The following CDH18 variants were observed in gnomAD, a reference collection of about 807,000 sequenced individuals.
The protein encoded by CDH18 is cadherin-18.
CDH18 carries 31 observed loss-of-function variants against 67.9 expected under a neutral mutation model. The observed-to-expected ratio is 0.46, with a 90% CI of 0.34 to 0.62. The LOEUF (loss-of-function observed/expected upper bound fraction) is 0.62, where lower values mean the gene tolerates loss of function less well. CDH18 is among the 20% of genes least tolerant of loss of function. CDH18 has a pLI of 0.01. For synonymous variants in CDH18, 362 were observed against 347.2 expected (o/e 1.04, Z -0.48); for missense variants, 890 against 975.5 (o/e 0.91, Z 1.17).
chr5:20,405,196 G>T (rs532693717), intron 1 of CDH18, among the ~76,000 whole-genome samples: 15 of 152,182 alleles, frequency 9.9e-5, no homozygotes, highest in African/African-American at 3.6e-4. Context: ...ATACTACAAG[G>T]CTACAGTAAC....
intron 5 of CDH18, among the ~76,000 whole-genome samples, chr5:19,627,879 G>A (rs1475318931): frequency 6.6e-6 from 1 of 152,164 alleles, no homozygotes; most frequent in Non-Finnish European, 1.5e-5. Flanking sequence ...AAGAACCAGT[G>A]ATGATATCAG....
chr5:19,534,846 C>T (rs892283338), intron 9 of CDH18, among the ~76,000 whole-genome samples: 10 of 152,074 alleles, frequency 6.6e-5, no homozygotes, highest in African/African-American at 2.2e-4. Flanking sequence ...TGGTTGCCTT[C>T]AGGTCACTCA....
intron 2 of CDH18, among the ~76,000 whole-genome samples, chr5:20,250,234 A>G (rs767779513): frequency 1.2e-4 from 18 of 151,668 alleles, no homozygotes; most frequent in Non-Finnish European, 1.9e-4. Context: ...TTTTTGTTCT[A>G]TTTCCTTTAA....
intron 1 of CDH18, among the ~76,000 whole-genome samples, chr5:19,983,726 T>C (rs1036971187): frequency 3.9e-5 from 6 of 152,154 alleles, no homozygotes; most frequent in Non-Finnish European, 1.5e-5. Context: ...ATTTCCTCTC[T>C]ACCTGCTAAT....
At chr5:19,506,624 T>C (rs1440726034) in intron 10 of CDH18, among the ~76,000 whole-genome samples, 2 of 152,204 alleles carry the variant, frequency 1.3e-5, no homozygotes, top group African/African-American at 4.8e-5. Context: ...ATCTGATCTT[T>C]AACAAGCCTG....
chr5:20,434,815 C>A (rs1749046215), intron 1 of CDH18, among the ~76,000 whole-genome samples: 1 of 151,862 alleles, frequency 6.6e-6, no homozygotes, highest in Admixed American at 6.6e-5. Flanking sequence ...AGAGACGCCA[C>A]AAGCATTCAG....
intron 2 of CDH18, among the ~76,000 whole-genome samples, chr5:19,870,932 G>C (rs1428543720): frequency 6.6e-6 from 1 of 152,062 alleles, no homozygotes; most frequent in Non-Finnish European, 1.5e-5. Context: ...ATACATTTTA[G>C]ATTTTCCATT....
chr5:20,246,252 CCT>C (rs1743369193), intron 2 of CDH18, among the ~76,000 whole-genome samples: 1 of 152,020 alleles, frequency 6.6e-6, no homozygotes. Flanking sequence ...TTATAAAAAT[CCT>C]CTCTCAGTTG....
chr5:19,620,479 T>C (rs1396204873), intron 5 of CDH18, among the ~76,000 whole-genome samples: 1 of 152,040 alleles, frequency 6.6e-6, no homozygotes, highest in Non-Finnish European at 1.5e-5. Context: ...CCTTGTAACT[T>C]GCAGAGTTTA....
intron 2 of CDH18, among the ~76,000 whole-genome samples, chr5:19,842,183 A>C (rs1782395585): frequency 6.6e-6 from 1 of 152,214 alleles, no homozygotes; most frequent in South Asian, 2.1e-4. Flanking sequence ...TTCATGGAAC[A>C]TTCCAATATG....
intron 2 of CDH18, among the ~76,000 whole-genome samples, chr5:20,131,626 C>T (rs1749273011): frequency 6.6e-6 from 1 of 152,154 alleles, no homozygotes. Context: ...AAAGTATACA[C>T]ATATGTATAT....
In CDH18 at chr5:20,395,227, T is replaced by C. The variant is rs572013109; in HGVS notation, c.-579-139722A>G. 9.8e-5 allele frequency among the ~76,000 whole-genome samples: 15 copies of C among 152,310 alleles called. No homozygotes were observed. The South Asian group carries it at 1.4e-3, about 15-fold the overall frequency. ...AACTGATGAGTGGATAAAGAAAATATGGCACATATACACCACTGAATACTA... is the reference window on the plus strand; with the variant it reads ...AACTGATGAGTGGATAAAGAAAATACGGCACATATACACCACTGAATACTA... On this transcript the variant is annotated intron_variant, in intron 1 of 14. Coordinates refer to the CDH18 transcript ENST00000507958.
At chr5:19,512,733 T>G (rs1403303454) in intron 10 of CDH18, among the ~76,000 whole-genome samples, 2 of 152,174 alleles carry the variant, frequency 1.3e-5, no homozygotes, top group African/African-American at 4.8e-5. Flanking sequence ...TGCTTTGGAT[T>G]CTCCTGATTA....
chr5:19,824,047 A>G (rs1489904887), intron 3 of CDH18, among the ~76,000 whole-genome samples: 1 of 152,190 alleles, frequency 6.6e-6, no homozygotes, highest in Admixed American at 6.5e-5. Flanking sequence ...ACAAAAAAAA[A>G]TAAAAAATAA....
intron 2 of CDH18, among the ~76,000 whole-genome samples, chr5:19,977,510 A>G (rs1018865666): frequency 3.3e-5 from 5 of 152,180 alleles, no homozygotes; most frequent in Non-Finnish European, 7.3e-5. Flanking sequence ...CTCCATTTGC[A>G]TACTCCATCA....
intron 1 of CDH18, among the ~76,000 whole-genome samples, chr5:20,557,969 A>C (rs1225949923): frequency 1.2e-5 from 1 of 82,108 alleles, no homozygotes; most frequent in African/African-American, 3.4e-5. Flanking sequence ...TAGTTATATA[A>C]CATTAAATGT....
intron 2 of CDH18, among the ~76,000 whole-genome samples, chr5:20,217,165 A>G (rs544521116): frequency 1.3e-5 from 2 of 152,060 alleles, no homozygotes; most frequent in African/African-American, 2.4e-5. Flanking sequence ...TCTGAAAGAA[A>G]AAGACATTAA....
chr5:19,636,058 A>G (rs1753102908), intron 5 of CDH18, among the ~76,000 whole-genome samples: 1 of 152,118 alleles, frequency 6.6e-6, no homozygotes, highest in Non-Finnish European at 1.5e-5. Flanking sequence ...ACTTGGCTCA[A>G]TCAATGATTT....
intron 5 of CDH18, among the ~76,000 whole-genome samples, chr5:19,683,328 C>T (rs1249775142): frequency 6.6e-6 from 1 of 151,980 alleles, no homozygotes; most frequent in Non-Finnish European, 1.5e-5. Context: ...CTAATATATG[C>T]TGTGTTTCTT....
Sources: gnomAD v4.1 joint callset for allele counts (sites outside exome capture counted in the v4.1 genomes callset) on GRCh38, gnomAD v4.1.1 for gene constraint, MANE v1.5 for transcripts, NCBI Gene and HGNC (gene_info 2026-07-23, HGNC 2026-07-21) for gene names.